ARHGAP31: variants seen among roughly 807,000 people sequenced by gnomAD.
ARHGAP31 encodes rho GTPase-activating protein 31.
ARHGAP31 carries 34 observed loss-of-function variants against 113.9 expected under a neutral mutation model. The ratio of observed to expected loss-of-function variants is 0.30; its 90% CI spans 0.23 to 0.40. The LOEUF (loss-of-function observed/expected upper bound fraction) is 0.40, where lower values mean the gene tolerates loss of function less well. Ranked by LOEUF, ARHGAP31 falls within the 10% of genes least tolerant of loss-of-function variation. ARHGAP31 has a pLI of 1.00. For missense variants in ARHGAP31, 1,548 were observed against 1,767.1 expected, an observed-to-expected ratio of 0.88 and a Z score of 2.22; for synonymous variants, 650 against 684.8, an observed-to-expected ratio of 0.95 and a Z score of 0.79.
At chr3:119,375,002 T>G (rs2107627624) in intron 3 of ARHGAP31, among the ~76,000 whole-genome samples, 1 of 152,268 alleles carries the variant, frequency 6.6e-6, no homozygotes, top group South Asian at 2.1e-4. Flanking sequence ...CTGATCAAAC[T>G]GCTTTTTTTT....
intron 3 of ARHGAP31, among the ~76,000 whole-genome samples, chr3:119,377,913 T>C (rs767898228): frequency 1.3e-5 from 2 of 152,158 alleles, no homozygotes; most frequent in East Asian, 3.8e-4. Flanking sequence ...CCTCAGACTG[T>C]CTGCGTTGGG....
chr3:119,321,418 T>C (rs575338246), intron 1 of ARHGAP31, among the ~76,000 whole-genome samples: 2 of 148,632 alleles, frequency 1.3e-5, no homozygotes, highest in African/African-American at 2.4e-5. Flanking sequence ...GGGAAATACA[T>C]AAATGTTTTA....
Position 119,414,497 on chromosome 3 carries a change from G to A in ARHGAP31, c.2568G>A (p.Gly856=), listed in dbSNP as rs770529130. 3 of 1,614,216 alleles carry A rather than the reference G, an allele frequency of 1.9e-6. No individual in the cohort carries two copies. In the East Asian group the frequency reaches 6.7e-5, roughly 36 times the overall value. ...KQNSKNAASE[G]KGCGFPSPTR... is the part of the protein sequence containing the mutation. Reference sequence around the variant, plus strand: ...ATTCAAAGAATGCTGCTTCTGAGGGGAAAGGCTGTGGTTTTCCAAGCCCAA... The same window carrying A: ...ATTCAAAGAATGCTGCTTCTGAGGGAAAAGGCTGTGGTTTTCCAAGCCCAA... The change falls in exon 12 of 12, where the codon GGG becomes GGA. Residue 856 remains glycine (G), a synonymous_variant. Transcript: ENST00000264245.
rs1418251649 is a variant in ARHGAP31, at chr3:119,356,642, G to GA, written c.101-8665dup. On this transcript the variant is annotated intron_variant, in intron 1 of 11. Coordinates refer to ENST00000264245, the MANE Select transcript of ARHGAP31 (RefSeq NM_020754.4). The stretch of plus-strand genomic sequence containing the variant: ...TAAGACTCTGTCTCAAAAAAAAAAA[G>GA]AAAAAAAAAGAAAAAACAACCAGAT... Among the ~76,000 whole-genome samples the GA allele has an allele frequency of 1.5e-3, 217 of 147,284 alleles. 1 individual carries two copies. The highest frequency in any genetic ancestry group is 5.2e-3 in the African/African-American group (206 of 39,758).
At chr3:119,302,526 T>A (rs1354278357) in intron 1 of ARHGAP31, among the ~76,000 whole-genome samples, 3 of 152,330 alleles carry the variant, frequency 2.0e-5, no homozygotes, top group Non-Finnish European at 4.4e-5. Flanking sequence ...GTTGTTATTT[T>A]CATTGGTAGT....
chr3:119,337,127 T>C (rs57122326), intron 1 of ARHGAP31, among the ~76,000 whole-genome samples: 23,387 of 152,200 alleles, frequency 0.15, 1,810 homozygotes, highest in Non-Finnish European at 0.17. Flanking sequence ...TGGTGAGCTC[T>C]TGGTCTTGCT....
Position 119,416,709 on chromosome 3 carries a change from G to A in ARHGAP31, c.*445G>A. 4.2e-6 allele frequency: 1 copy of A among 238,794 alleles called. No homozygotes were observed. The highest frequency in any genetic ancestry group is 2.3e-5 in the African/African-American group (1 of 43,642). 14.8% of individuals were successfully genotyped at this position (238,794 alleles called of 1,614,324 possible). On this transcript the variant is annotated 3_prime_UTR_variant, in exon 12 of 12. Coordinates refer to ENST00000264245, the MANE Select transcript of ARHGAP31 (RefSeq NM_020754.4). ...TGGGGTTAGAAGGCCTCCTCTTTATGCTTTTTAATGCTCTTTCAAACGTGT... is the reference window on the plus strand; with the variant it reads ...TGGGGTTAGAAGGCCTCCTCTTTATACTTTTTAATGCTCTTTCAAACGTGT...
intron 8 of ARHGAP31, among the ~76,000 whole-genome samples, chr3:119,395,400 T>A (rs547045318): frequency 6.6e-6 from 1 of 152,310 alleles, no homozygotes; most frequent in East Asian, 1.9e-4. Flanking sequence ...GGGGGTTTAA[T>A]ACAGGGGCTC....
At chr3:119,408,021 A>C (rs1382191308) in intron 10 of ARHGAP31, among the ~76,000 whole-genome samples, 1 of 152,120 alleles carries the variant, frequency 6.6e-6, no homozygotes. Context: ...AGTGTATTAC[A>C]TATTACAAGC....
rs771453662 is a variant in ARHGAP31, at chr3:119,393,520, G to A, written c.935G>A (p.Arg312His). ...KKWKSIFNLG[R>H]SGSDSKSKLS... is the part of the protein sequence containing the mutation. ...TGGAAATCAATATTTAACCTGGGAC[G>A]TTCTGGATCAGACTCCAAATCAAAA... is the stretch of plus-strand genomic sequence containing the variant. The change falls in exon 8 of 12, where the codon CGT becomes CAT. Residue 312 changes from arginine to histidine, a missense_variant. Coordinates refer to ENST00000264245, the MANE Select transcript of ARHGAP31 (RefSeq NM_020754.4). 17 of 1,613,972 alleles carry A rather than the reference G, an allele frequency of 1.1e-5. No individual in the cohort carries two copies. The highest frequency in any genetic ancestry group is 2.7e-5 in the African/African-American group (2 of 74,926).
chr3:119,415,745 C>G lies in ARHGAP31; in HGVS notation c.3816C>G (p.Ser1272=), dbSNP rs200336806. 3.7e-6 allele frequency: 6 copies of G among 1,614,168 alleles called. No homozygotes were observed. Among genetic ancestry groups the G allele is most frequent in the Non-Finnish European group, 5.1e-6 (6 of 1,180,026 alleles). Residue 1272 remains serine, a synonymous_variant, in exon 12 of 12, where the codon TCC becomes TCG. Transcript: ENST00000264245. ...KPKQDPGAIK[S]SPVDATAPCM... is the part of the protein sequence containing the mutation. ...AGCAAGATCCCGGAGCCATTAAGTC[C>G]TCACCAGTGGATGCCACTGCACCCT...
chr3:119,310,330 A>G (rs547844643), intron 1 of ARHGAP31, among the ~76,000 whole-genome samples: 14 of 152,188 alleles, frequency 9.2e-5, no homozygotes, highest in Non-Finnish European at 1.9e-4. Flanking sequence ...GTGGTGTGCA[A>G]GAAAGGAGAT....
Position 119,331,229 on chromosome 3 carries a change from G to A in ARHGAP31, c.101-34087G>A, listed in dbSNP as rs529199604. Reference sequence around the variant, plus strand: ...AATAATAAAACATTGTTTCAGCCCCGAGTCACATTTCTGTAGCACTCCATG... The same window carrying A: ...AATAATAAAACATTGTTTCAGCCCCAAGTCACATTTCTGTAGCACTCCATG... On this transcript the variant is annotated intron_variant, in intron 1 of 11. Coordinates refer to ENST00000264245, the MANE Select transcript of ARHGAP31 (RefSeq NM_020754.4). Among the ~76,000 whole-genome samples the A allele has an allele frequency of 7.9e-4, 120 of 152,166 alleles. No individual in the cohort carries two copies. In the South Asian group the frequency reaches 0.024, roughly 31 times the overall value.
chr3:119,321,158 C>A (rs2079780445), intron 1 of ARHGAP31, among the ~76,000 whole-genome samples: 3 of 151,778 alleles, frequency 2.0e-5, no homozygotes, highest in East Asian at 1.9e-4. Flanking sequence ...CTTCCATATA[C>A]CCTTTTTAAA....
At chr3:119,365,217 C>G (rs1355624519) in intron 1 of ARHGAP31, 99 bp from the exon 2 acceptor site, 1 of 940,822 alleles carries the variant, frequency 1.1e-6, no homozygotes, top group Non-Finnish European at 1.7e-6. Context: ...TCCATACTTA[C>G]ATCTCTTTGA....
At chr3:119,342,795 C>T (rs1013001489) in intron 1 of ARHGAP31, among the ~76,000 whole-genome samples, 6 of 151,894 alleles carry the variant, frequency 4.0e-5, no homozygotes, top group East Asian at 1.9e-4. Flanking sequence ...ACTAAAAATA[C>T]GAAATTAGCG....
intron 1 of ARHGAP31, among the ~76,000 whole-genome samples, chr3:119,347,774 T>A (rs2080072786): frequency 6.6e-6 from 1 of 152,250 alleles, no homozygotes; most frequent in Non-Finnish European, 1.5e-5. Flanking sequence ...ATCCCTGGGC[T>A]ACTCTTGAAT....
At chr3:119,323,390 C>T (rs2079810949) in intron 1 of ARHGAP31, among the ~76,000 whole-genome samples, 1 of 152,240 alleles carries the variant, frequency 6.6e-6, no homozygotes, top group African/African-American at 2.4e-5. Context: ...GGCCACACCC[C>T]GCCGGCCCAG....
intron 6 of ARHGAP31, among the ~76,000 whole-genome samples, chr3:119,387,887 G>C (rs1034088427): frequency 6.6e-5 from 10 of 152,190 alleles, no homozygotes; most frequent in African/African-American, 2.4e-4. Flanking sequence ...AGCAGAGTAA[G>C]GCAATAGTCA....
Sources: gnomAD v4.1 joint callset for allele counts (sites outside exome capture counted in the v4.1 genomes callset) on GRCh38, gnomAD v4.1.1 for gene constraint, MANE v1.5 for transcripts, NCBI Gene and HGNC (gene_info 2026-07-23, HGNC 2026-07-21) for gene names.